The following EML1 variants were observed in gnomAD, a reference collection of about 807,000 sequenced individuals.
EML1 encodes the protein echinoderm microtubule-associated protein-like 1.
In EML1, 27 loss-of-function variants were observed where a neutral mutation model predicts 110.4. The ratio of observed to expected loss-of-function variants is 0.24; its 90% CI spans 0.18 to 0.34. EML1 has a LOEUF of 0.34. EML1 is among the 10% of genes least tolerant of loss of function. The probability of loss-of-function intolerance (pLI) is 1.00; values close to 1 mark genes in which losing one functional copy is unlikely to be tolerated. For missense variants in EML1, 741 were observed against 1,030.9 expected, an observed-to-expected ratio of 0.72 and a Z score of 3.85; for synonymous variants, 344 against 385.8, an observed-to-expected ratio of 0.89 and a Z score of 1.27.
At chr14:99,883,065 T>C (rs6575752) in intron 4 of EML1, among the ~76,000 whole-genome samples, 40,951 of 152,126 alleles carry the variant, frequency 0.27, 7,125 homozygotes, top group African/African-American at 0.47. Flanking sequence ...GCATCACTGC[T>C]GCCGTCGGCT....
intron 10 of EML1, among the ~76,000 whole-genome samples, chr14:99,908,534 G>C (rs527439265): frequency 6.6e-6 from 1 of 152,148 alleles, no homozygotes; most frequent in East Asian, 1.9e-4. Flanking sequence ...GATATTCTGG[G>C]CAGGTGTTTA....
intron 10 of EML1, among the ~76,000 whole-genome samples, 196 bp downstream of exon 10, chr14:99,907,929 C>G (rs72710053): frequency 3.1e-4 from 47 of 152,362 alleles, no homozygotes; most frequent in Non-Finnish European, 6.5e-4. Context: ...GGTTTTTTCT[C>G]TTTTCGCCAT....
At chr14:99,778,247 C>T (rs2057504194) in intron 1 of EML1, among the ~76,000 whole-genome samples, 1 of 152,170 alleles carries the variant, frequency 6.6e-6, no homozygotes, top group Admixed American at 6.5e-5. Flanking sequence ...TAAAATTTGG[C>T]CTGTGTGTTT....
chr14:99,776,624 A>T (rs1279807354), intron 1 of EML1, among the ~76,000 whole-genome samples: 1 of 152,244 alleles, frequency 6.6e-6, no homozygotes, highest in Non-Finnish European at 1.5e-5. Flanking sequence ...CGTCAGTAAA[A>T]GTGCACAAAA....
At chr14:99,914,027 A>G (rs1443876802) in intron 13 of EML1, 152 bp from the exon 14 acceptor site, 4 of 933,722 alleles carry the variant, frequency 4.3e-6, no homozygotes, top group Admixed American at 3.0e-5. Flanking sequence ...ATATATATGT[A>G]TATACAACAT....
At chr14:99,853,448 C>A (rs1347800740) in intron 2 of EML1, among the ~76,000 whole-genome samples, 5 of 151,900 alleles carry the variant, frequency 3.3e-5, no homozygotes, top group African/African-American at 1.2e-4. Flanking sequence ...TGGCTGTGCT[C>A]ATCTTTGAGG....
At chr14:99,768,550 G>T (rs2140198138), upstream of EML1, among the ~76,000 whole-genome samples, 1 of 152,298 alleles carries the variant, frequency 6.6e-6, no homozygotes, top group African/African-American at 2.4e-5. Flanking sequence ...GGAGGTGGGG[G>T]TAAGGCAGAC....
At chr14:99,922,800 T>G (rs1284834319) in intron 17 of EML1, among the ~76,000 whole-genome samples, 9 of 152,242 alleles carry the variant, frequency 5.9e-5, no homozygotes, top group Non-Finnish European at 1.3e-4. Context: ...TGGTGAAATA[T>G]CTATTCAGAT....
chr14:99,897,357 C>T, intron 7 of EML1, 63 bp downstream of exon 7: 2 of 1,490,728 alleles, frequency 1.3e-6, no homozygotes, highest in Non-Finnish European at 1.8e-6. Context: ...TCGCTTGAGG[C>T]CAGGAGTTCC....
chr14:99,794,819 A>C (rs574573819), intron 1 of EML1, among the ~76,000 whole-genome samples: 1 of 152,286 alleles, frequency 6.6e-6, no homozygotes, highest in African/African-American at 2.4e-5. Flanking sequence ...GAAGGTGTTG[A>C]GGGCAGGTAG....
At chr14:99,837,513 A>AT (rs1566890654) in intron 1 of EML1, among the ~76,000 whole-genome samples, 2 of 152,316 alleles carry the variant, frequency 1.3e-5, no homozygotes, top group South Asian at 2.1e-4. Flanking sequence ...AGGATTAAAA[A>AT]TTTTTTTACA....
At chr14:99,846,181 T>C (rs1183018711) in intron 1 of EML1, among the ~76,000 whole-genome samples, 3 of 152,070 alleles carry the variant, frequency 2.0e-5, no homozygotes, top group African/African-American at 7.2e-5. Flanking sequence ...AGGCCACTTA[T>C]TATTATCTAA....
At chr14:99,915,070 A>G (rs61986032) in intron 15 of EML1, 27,433 of 265,612 alleles carry the variant, frequency 0.1, 1,537 homozygotes, top group Middle Eastern at 0.13. Flanking sequence ...TACTAAACAC[A>G]CGATTGAATA....
chr14:99,924,869 A>G (rs1393278970), intron 17 of EML1, among the ~76,000 whole-genome samples: 1 of 152,150 alleles, frequency 6.6e-6, no homozygotes, highest in Non-Finnish European at 1.5e-5. Context: ...ATCTTATTTT[A>G]TTAATATCAC....
chr14:99,756,290 C>T (rs2057254032), intron 1 of EML1, among the ~76,000 whole-genome samples: 1 of 152,238 alleles, frequency 6.6e-6, no homozygotes, highest in South Asian at 2.1e-4. Context: ...GGGGCAGGGT[C>T]AGGCAGCATG....
intron 1 of EML1, among the ~76,000 whole-genome samples, chr14:99,843,971 A>G (rs2058669868): frequency 6.6e-6 from 1 of 152,156 alleles, no homozygotes; most frequent in Non-Finnish European, 1.5e-5. Flanking sequence ...GTGGCATGAC[A>G]TTTTGAAGTG....
chr14:99,764,619 G>A (rs989745450), intron 1 of EML1, among the ~76,000 whole-genome samples: 16 of 152,234 alleles, frequency 1.1e-4, no homozygotes, highest in Non-Finnish European at 1.3e-4. Context: ...GGAGCGTCAG[G>A]GCAGGCTTCC....
At chr14:99,830,623 T>C (rs2058434119) in intron 1 of EML1, among the ~76,000 whole-genome samples, 1 of 152,102 alleles carries the variant, frequency 6.6e-6, no homozygotes, top group Admixed American at 6.6e-5. Flanking sequence ...CAATCTCGGC[T>C]CACTGCAACC....
intron 4 of EML1, among the ~76,000 whole-genome samples, chr14:99,882,778 G>A (rs2059408904): frequency 6.6e-6 from 1 of 151,720 alleles, no homozygotes; most frequent in African/African-American, 2.4e-5. Flanking sequence ...GCTGTGGGTT[G>A]GACAAGTTTG....
Sources: gnomAD v4.1 joint callset for allele counts (sites outside exome capture counted in the v4.1 genomes callset) on GRCh38, gnomAD v4.1.1 for gene constraint, MANE v1.5 for transcripts, NCBI Gene and HGNC (gene_info 2026-07-23, HGNC 2026-07-21) for gene names.